METTL15: variants seen among roughly 807,000 people sequenced by gnomAD.
The protein encoded by METTL15 is methyltransferase 15, mitochondrial 12S rRNA N4-cytidine, also known as 12S rRNA N(4)-cytidine methyltransferase METTL15.
METTL15 carries 34 observed loss-of-function variants against 38.3 expected under a neutral mutation model. That is an observed-to-expected ratio of 0.89 (90% CI 0.68 to 1.18). METTL15 has a LOEUF of 1.18. METTL15 is among the 50% of genes most tolerant of loss of function. The pLI is 0.00. For synonymous variants in METTL15, 162 were observed against 170.9 expected (o/e 0.95, Z 0.41); for missense variants, 438 against 498.4 (o/e 0.88, Z 1.15).
intron 5 of METTL15, among the ~76,000 whole-genome samples, chr11:28,368,143 CAAAA>C (rs1421370868): frequency 1.1e-5 from 1 of 87,074 alleles, no homozygotes; most frequent in African/African-American, 4.5e-5. Context: ...AAAAAAAAAA[CAAAA>C]AAAACAAAAA....
chr11:28,184,183 GT>G (rs1851406149), intron 3 of METTL15, among the ~76,000 whole-genome samples: 1 of 151,662 alleles, frequency 6.6e-6, no homozygotes, highest in South Asian at 2.1e-4. Context: ...CGGTCTATCT[GT>G]TTTGTTGATC....
At chr11:28,116,569 A>T (rs1273814692) in intron 3 of METTL15, among the ~76,000 whole-genome samples, 4 of 152,156 alleles carry the variant, frequency 2.6e-5, no homozygotes, top group Non-Finnish European at 5.9e-5. Context: ...AAACTTTTTC[A>T]TGTTGGATCA....
chr11:28,278,901 A>G (rs978223382), intron 4 of METTL15, among the ~76,000 whole-genome samples: 1 of 152,128 alleles, frequency 6.6e-6, no homozygotes, highest in African/African-American at 2.4e-5. Context: ...ATCTTGGCTC[A>G]CTGCAACCTC....
At chr11:28,520,462 C>G (rs1851756029) in intron 6 of METTL15, among the ~76,000 whole-genome samples, 1 of 152,166 alleles carries the variant, frequency 6.6e-6, no homozygotes, top group Non-Finnish European at 1.5e-5. Context: ...ACAAAGGCAT[C>G]TGGAGCCCAT....
At chr11:28,378,668 C>T (rs868819085) in intron 5 of METTL15, among the ~76,000 whole-genome samples, 12 of 151,750 alleles carry the variant, frequency 7.9e-5, no homozygotes, top group African/African-American at 2.9e-4. Flanking sequence ...ATTCGGCCAT[C>T]TTGGCTCCTC....
Position 28,113,519 on chromosome 11 carries a change from A to G in METTL15, c.185A>G (p.Asp62Gly), listed in dbSNP as rs775566813. ...GCCCAGGAGTTACACAGATCTCAAG[A>G]TAGAGATTTTGAAACTATGGCTAAA... ...TQAQELHRSQDRDFETMAKLH... is the reference protein window; with the variant it reads ...TQAQELHRSQGRDFETMAKLH... Residue 62 changes from aspartate (D) to glycine (G), a missense_variant, in exon 3 of 7, where the codon GAT (aspartate) becomes GGT (glycine). Transcript: ENST00000407364. 4.7e-5 allele frequency: 76 copies of G among 1,613,488 alleles called. 1 individual carries two copies. The highest frequency in any genetic ancestry group is 6.1e-5 in the Non-Finnish European group (72 of 1,179,818).
At chr11:28,148,148 T>C (rs1405423135) in intron 3 of METTL15, among the ~76,000 whole-genome samples, 1 of 151,962 alleles carries the variant, frequency 6.6e-6, no homozygotes, top group Non-Finnish European at 1.5e-5. Context: ...AATATAGTTT[T>C]TCATTTGCTA....
intron 4 of METTL15, among the ~76,000 whole-genome samples, chr11:28,233,044 TA>T (rs1410169201): frequency 1.3e-5 from 2 of 152,078 alleles, no homozygotes; most frequent in Non-Finnish European, 2.9e-5. Flanking sequence ...AATTAGCCTT[TA>T]TTTTTTTTAA....
chr11:28,126,941 C>T (rs1168658792), intron 3 of METTL15, among the ~76,000 whole-genome samples: 1 of 151,830 alleles, frequency 6.6e-6, no homozygotes, highest in East Asian at 1.9e-4. Flanking sequence ...AGAATCTAGA[C>T]AATTAAATAG....
chr11:28,385,724 G>A (rs924161678), intron 5 of METTL15, among the ~76,000 whole-genome samples: 1 of 152,090 alleles, frequency 6.6e-6, no homozygotes, highest in East Asian at 1.9e-4. Context: ...CTGTAAATTT[G>A]TTCAGGCAGT....
At chr11:28,439,344 A>G (rs1722015741) in intron 6 of METTL15, among the ~76,000 whole-genome samples, 1 of 152,204 alleles carries the variant, frequency 6.6e-6, no homozygotes, top group Non-Finnish European at 1.5e-5. Context: ...TAGCAAAAGA[A>G]TAATAAACGC....
At chr11:28,439,257 C>T (rs1316728905) in intron 6 of METTL15, among the ~76,000 whole-genome samples, 1 of 152,158 alleles carries the variant, frequency 6.6e-6, no homozygotes, top group Non-Finnish European at 1.5e-5. Flanking sequence ...TACGGCTACT[C>T]CTTTCCTAGA....
At chr11:28,457,940 T>G (rs2585805) in intron 6 of METTL15, among the ~76,000 whole-genome samples, 151,916 of 152,350 alleles carry the variant, frequency 1, 75,744 homozygotes, top group Middle Eastern at 1. Flanking sequence ...TTATGCTAGA[T>G]TTCTAGAGTG....
At chr11:28,131,761 A>G (rs1422778259) in intron 3 of METTL15, among the ~76,000 whole-genome samples, 1 of 152,178 alleles carries the variant, frequency 6.6e-6, no homozygotes, top group Non-Finnish European at 1.5e-5. Flanking sequence ...GCCAACTTTA[A>G]CAGTTTTTGT....
intron 6 of METTL15, among the ~76,000 whole-genome samples, chr11:28,458,808 G>A (rs574497141): frequency 6.6e-6 from 1 of 152,260 alleles, no homozygotes; most frequent in South Asian, 2.1e-4. Flanking sequence ...TTTTTCTTAT[G>A]CCACTGTAGT....
chr11:28,505,080 C>A (rs1851617304), intron 6 of METTL15, among the ~76,000 whole-genome samples: 1 of 152,188 alleles, frequency 6.6e-6, no homozygotes, highest in South Asian at 2.1e-4. Flanking sequence ...AGAGCCAGGA[C>A]TGGACCTGGT....
At chr11:28,525,208 C>T (rs994685815) in intron 6 of METTL15, among the ~76,000 whole-genome samples, 66 of 152,146 alleles carry the variant, frequency 4.3e-4, no homozygotes, top group African/African-American at 1.5e-3. Flanking sequence ...GGAAGAGGAC[C>T]TGAGCGGGTT....
chr11:28,393,623 G>A (rs1405258638), intron 5 of METTL15, among the ~76,000 whole-genome samples: 2 of 152,060 alleles, frequency 1.3e-5, no homozygotes, highest in South Asian at 2.1e-4. Flanking sequence ...AGGGTTACTC[G>A]AGAGTTTTCA....
chr11:28,423,002 G>A (rs1006867255), intron 5 of METTL15, among the ~76,000 whole-genome samples: 1 of 150,882 alleles, frequency 6.6e-6, no homozygotes, highest in Non-Finnish European at 1.5e-5. Flanking sequence ...TTTTATAGGG[G>A]AAAAAAAACA....
Sources: allele counts gnomAD v4.1 joint callset (sites outside exome capture counted in the v4.1 genomes callset), GRCh38; gene constraint gnomAD v4.1.1; transcripts MANE v1.5; gene names NCBI Gene and HGNC (gene_info 2026-07-23, HGNC 2026-07-21).